Variants in CDK15 observed in about 807,000 individuals in gnomAD.
The protein encoded by CDK15 is cyclin dependent kinase 15, also known as cyclin-dependent kinase 15.
A neutral mutation model predicts 60.3 loss-of-function variants in CDK15; 62 were observed. That is an observed-to-expected ratio of 1.03 (90% CI 0.84 to 1.27). CDK15 has a LOEUF of 1.27. Ranked by LOEUF, CDK15 falls within the 50% of genes most tolerant of loss-of-function variation. The probability of loss-of-function intolerance (pLI) is 0.00; values close to 1 mark genes in which losing one functional copy is unlikely to be tolerated. For missense variants in CDK15, 541 were observed against 527.8 expected, an observed-to-expected ratio of 1.03 and a Z score of -0.25; for synonymous variants, 194 against 195.7, an observed-to-expected ratio of 0.99 and a Z score of 0.07.
At chr2:201,868,547 T>C (rs999207402) in intron 10 of CDK15, among the ~76,000 whole-genome samples, 1 of 152,224 alleles carries the variant, frequency 6.6e-6, no homozygotes. Flanking sequence ...TTTCATTGGT[T>C]CGCTTCAGGT....
chr2:201,873,368 T>G (rs2105819711), intron 11 of CDK15, among the ~76,000 whole-genome samples: 2 of 152,308 alleles, frequency 1.3e-5, no homozygotes, highest in Non-Finnish European at 2.9e-5. Context: ...GAACTACTGT[T>G]TATCACTTCA....
intron 12 of CDK15, chr2:201,888,741 CTT>C: frequency 8.5e-7 from 1 of 1,183,110 alleles, no homozygotes; most frequent in Non-Finnish European, 1.0e-6. Flanking sequence ...TCCCTCCCTG[CTT>C]TTGAGGAGCT....
chr2:201,821,925 C>T (rs1696238454), intron 4 of CDK15, among the ~76,000 whole-genome samples: 1 of 152,194 alleles, frequency 6.6e-6, no homozygotes, highest in African/African-American at 2.4e-5. Context: ...AGGTGATCCA[C>T]CCACCTCGGC....
intron 12 of CDK15, among the ~76,000 whole-genome samples, chr2:201,886,578 G>C (rs1396378770): frequency 6.6e-6 from 1 of 152,134 alleles, no homozygotes; most frequent in Non-Finnish European, 1.5e-5. Flanking sequence ...ACCTGCCTTG[G>C]CCTCCCAAAG....
chr2:201,876,491 T>A, intron 11 of CDK15: 1 of 894,750 alleles, frequency 1.1e-6, no homozygotes, highest in South Asian at 1.4e-5. Context: ...AGTTGGCTTG[T>A]ACAGGGGAGA....
chr2:201,845,108 C>T (rs1697590465), intron 8 of CDK15, among the ~76,000 whole-genome samples: 1 of 151,696 alleles, frequency 6.6e-6, no homozygotes, highest in African/African-American at 2.4e-5. Context: ...GAGATTGCAC[C>T]ACTGCACTCC....
chr2:201,872,450 T>A, intron 11 of CDK15, 124 bp downstream of exon 11: 1 of 980,392 alleles, frequency 1.0e-6, no homozygotes, highest in South Asian at 1.4e-5. Context: ...CTCTAAGCTG[T>A]AGGAAGATGC....
chr2:201,869,051 A>T (rs1698749308), intron 10 of CDK15, among the ~76,000 whole-genome samples: 1 of 152,220 alleles, frequency 6.6e-6, no homozygotes, highest in Non-Finnish European at 1.5e-5. Flanking sequence ...AGGATTATAA[A>T]TCATGCTACT....
intron 12 of CDK15, among the ~76,000 whole-genome samples, chr2:201,884,577 T>C (rs1291217512): frequency 6.6e-6 from 1 of 152,224 alleles, no homozygotes; most frequent in Non-Finnish European, 1.5e-5. Context: ...CTCCTTAATA[T>C]ATTGGAAGGT....
intron 9 of CDK15, among the ~76,000 whole-genome samples, chr2:201,853,996 C>G (rs1559136136): frequency 6.6e-6 from 1 of 151,998 alleles, no homozygotes; most frequent in African/African-American, 2.4e-5. Context: ...CCCGTCTCTA[C>G]TAAAAATACA....
intron 13 of CDK15, among the ~76,000 whole-genome samples, chr2:201,891,728 T>TG (rs1224426901): frequency 6.6e-6 from 1 of 152,146 alleles, no homozygotes; most frequent in African/African-American, 2.4e-5. Context: ...CTTCCCATAC[T>TG]GGGGCTTCCA....
chr2:201,822,642 G>T (rs1281477818), intron 4 of CDK15, among the ~76,000 whole-genome samples, 167 bp from the exon 5 acceptor site: 1 of 152,182 alleles, frequency 6.6e-6, no homozygotes, highest in Non-Finnish European at 1.5e-5. Flanking sequence ...AATAATGAAG[G>T]TTCTTTGTAA....
chr2:201,837,851 G>T (rs1021171452), intron 8 of CDK15, among the ~76,000 whole-genome samples: 1 of 152,100 alleles, frequency 6.6e-6, no homozygotes, highest in African/African-American at 2.4e-5. Context: ...GTCCTAAAAG[G>T]CTAAACTAAG....
intron 8 of CDK15, among the ~76,000 whole-genome samples, chr2:201,837,345 GAGGGAGAGGGGGAGAA>G (rs1366400992): frequency 1.5e-5 from 2 of 137,082 alleles, no homozygotes; most frequent in Non-Finnish European, 3.2e-5. Flanking sequence ...AAGAGAAGGA[GAGGGAGAGGGGGAGAA>G]AGGGAGAGGG....
chr2:201,869,769 A>G (rs1265649253), intron 10 of CDK15, among the ~76,000 whole-genome samples: 3 of 152,192 alleles, frequency 2.0e-5, no homozygotes, highest in Non-Finnish European at 4.4e-5. Context: ...AGGGAAAAAT[A>G]GAAAATGGGA....
intron 12 of CDK15, among the ~76,000 whole-genome samples, chr2:201,886,094 T>G (rs1007218141): frequency 2.6e-5 from 4 of 152,220 alleles, no homozygotes; most frequent in Non-Finnish European, 5.9e-5. Context: ...TGCCCAGTTC[T>G]GTGCTCCTCC....
At chr2:201,876,916 GC>G (rs2105826573) in intron 11 of CDK15, among the ~76,000 whole-genome samples, 1 of 152,198 alleles carries the variant, frequency 6.6e-6, no homozygotes, top group South Asian at 2.1e-4. Context: ...TCCCGCCTCA[GC>G]CCCCTGAGTA....
At chr2:201,807,443 T>C (rs1180237424) in intron 1 of CDK15, 51 bp from the exon 2 acceptor site, 5 of 1,574,486 alleles carry the variant, frequency 3.2e-6, no homozygotes, top group Non-Finnish European at 3.4e-6. Flanking sequence ...TACCAGGCAC[T>C]GAATCTTTAC....
intron 9 of CDK15, among the ~76,000 whole-genome samples, chr2:201,853,747 C>T (rs1212184500): frequency 6.7e-6 from 1 of 149,704 alleles, no homozygotes; most frequent in Admixed American, 6.6e-5. Context: ...AAAAAAAATA[C>T]TAAGGTAATG....
Sources: allele counts gnomAD v4.1 joint callset (sites outside exome capture counted in the v4.1 genomes callset), GRCh38; gene constraint gnomAD v4.1.1; transcripts MANE v1.5; gene names NCBI Gene and HGNC (gene_info 2026-07-23, HGNC 2026-07-21).